GRID1: variants seen among roughly 807,000 people sequenced by gnomAD.
The protein encoded by GRID1 is glutamate receptor ionotropic, delta-1.
GRID1 carries 28 observed loss-of-function variants against 98.0 expected under a neutral mutation model. The observed-to-expected ratio is 0.29, with a 90% CI of 0.21 to 0.39. The LOEUF (loss-of-function observed/expected upper bound fraction) is 0.39, where lower values mean the gene tolerates loss of function less well. GRID1 is among the 10% of genes least tolerant of loss of function. The probability of loss-of-function intolerance (pLI) is 1.00; values close to 1 mark genes in which losing one functional copy is unlikely to be tolerated. For missense variants in GRID1, 1,111 were observed against 1,340.5 expected (o/e 0.83, Z 2.67); for synonymous variants, 553 against 538.5 (o/e 1.03, Z -0.37).
At chr10:85,662,727 T>C (rs1840979825) in intron 12 of GRID1, among the ~76,000 whole-genome samples, 1 of 152,166 alleles carries the variant, frequency 6.6e-6, no homozygotes, top group Admixed American at 6.5e-5. Flanking sequence ...GGCTGCACTG[T>C]GTCGTAGGAA....
chr10:85,714,287 A>G (rs1841614029), intron 12 of GRID1, among the ~76,000 whole-genome samples: 1 of 152,002 alleles, frequency 6.6e-6, no homozygotes, highest in African/African-American at 2.4e-5. Flanking sequence ...AGCGTATCAG[A>G]AAAAAATGGC....
chr10:85,810,489 T>C (rs1564597347), intron 8 of GRID1, among the ~76,000 whole-genome samples: 2 of 152,018 alleles, frequency 1.3e-5, no homozygotes. Flanking sequence ...GGAGAAACAG[T>C]CTAGCAGACC....
chr10:86,273,797 A>T (rs1185262551), intron 2 of GRID1, among the ~76,000 whole-genome samples: 222 of 140,460 alleles, frequency 1.6e-3, no homozygotes, highest in Middle Eastern at 3.5e-3. Flanking sequence ...AGTTCATTGT[A>T]GATTCTGGAT....
At chr10:86,177,739 C>T (rs940071654) in intron 3 of GRID1, among the ~76,000 whole-genome samples, 10 of 151,464 alleles carry the variant, frequency 6.6e-5, no homozygotes, top group Admixed American at 1.3e-4. Context: ...TGTGCATGAG[C>T]GAGACAGTGT....
At chr10:86,242,143 C>T (rs116803969) in intron 2 of GRID1, among the ~76,000 whole-genome samples, 77 of 152,328 alleles carry the variant, frequency 5.1e-4, no homozygotes, top group African/African-American at 1.8e-3. Flanking sequence ...AATGAGCCCA[C>T]CTGGCAGGGA....
chr10:86,181,021 C>T (rs574538494), intron 3 of GRID1, among the ~76,000 whole-genome samples: 4 of 152,288 alleles, frequency 2.6e-5, no homozygotes, highest in African/African-American at 9.6e-5. Context: ...CAAGCCCAGG[C>T]TGAACCTCCC....
intron 4 of GRID1, among the ~76,000 whole-genome samples, chr10:85,921,595 T>C (rs758463301): frequency 6.6e-5 from 10 of 152,336 alleles, no homozygotes; most frequent in Non-Finnish European, 1.3e-4. Flanking sequence ...AAACAGACTC[T>C]GCACAGAAAG....
chr10:86,070,351 C>T (rs1222212898), intron 4 of GRID1, among the ~76,000 whole-genome samples: 4 of 152,182 alleles, frequency 2.6e-5, no homozygotes, highest in African/African-American at 9.7e-5. Flanking sequence ...GTCCATACCC[C>T]TTGCCCAGCC....
rs779148576 is a variant in GRID1, at chr10:85,727,997, T to C, written c.1391A>G (p.Lys464Arg). Residue 464 changes from lysine to arginine, a missense_variant, in exon 10 of 16, where the codon AAA (lysine) becomes AGA (arginine). By Grantham distance (26) the Lys-to-Arg change is conservative. Coordinates refer to ENST00000327946, the MANE Select transcript of GRID1 (RefSeq NM_017551.3). ...ATCCAGGACATCTATGGAGAACCCT[T>C]TGTAGCGCTTGGGCTGTCCTAGGAT... The part of the protein sequence containing the change: ...ENILGQPKRY[K>R]GFSIDVLDAL... The C allele has an allele frequency of 1.4e-5, 23 of 1,613,718 alleles. No homozygotes were observed. Among genetic ancestry groups the C allele is most frequent in the African/African-American group, 5.3e-5 (4 of 74,900 alleles).
intron 2 of GRID1, among the ~76,000 whole-genome samples, chr10:86,347,704 C>A (rs541190928): frequency 1.3e-5 from 2 of 152,186 alleles, no homozygotes; most frequent in Non-Finnish European, 2.9e-5. Context: ...ATGCCTGAAG[C>A]GATGCAGCCT....
intron 4 of GRID1, among the ~76,000 whole-genome samples, chr10:85,975,430 G>C (rs1425497030): frequency 6.6e-6 from 1 of 152,124 alleles, no homozygotes; most frequent in East Asian, 1.9e-4. Context: ...GCTCCTCCAG[G>C]CCATCCACAT....
intron 4 of GRID1, among the ~76,000 whole-genome samples, chr10:85,920,955 C>A (rs909696952): frequency 1.3e-5 from 2 of 152,180 alleles, no homozygotes; most frequent in African/African-American, 2.4e-5. Context: ...TGCCTGCACC[C>A]CTCTAAATTG....
chr10:85,825,479 T>C (rs929120860), intron 8 of GRID1, among the ~76,000 whole-genome samples: 4 of 152,202 alleles, frequency 2.6e-5, no homozygotes, highest in African/African-American at 7.2e-5. Flanking sequence ...TCTCCCATTC[T>C]GTGGTTTGTG....
intron 8 of GRID1, among the ~76,000 whole-genome samples, chr10:85,790,521 T>C (rs1419460800): frequency 6.6e-6 from 1 of 152,092 alleles, no homozygotes; most frequent in Non-Finnish European, 1.5e-5. Context: ...CAAAGGAAGG[T>C]CCTGTCTGGG....
chr10:85,923,232 T>C (rs567709519), intron 4 of GRID1, among the ~76,000 whole-genome samples: 54 of 152,128 alleles, frequency 3.5e-4, no homozygotes, highest in Non-Finnish European at 6.6e-4. Context: ...AAACACCCCA[T>C]CTGGGCAGAG....
intron 5 of GRID1, among the ~76,000 whole-genome samples, chr10:85,901,227 T>TTTTATTTTATTTTATTTTA (rs1554838758): frequency 2.9e-4 from 43 of 146,338 alleles, no homozygotes; most frequent in African/African-American, 9.6e-4. Context: ...TTTTATTTTA[T>TTTTATTTTATTTTATTTTA]TTTATTTATT....
chr10:86,219,673 C>T (rs1203534416), intron 2 of GRID1, among the ~76,000 whole-genome samples: 3 of 152,190 alleles, frequency 2.0e-5, no homozygotes, highest in South Asian at 2.1e-4. Flanking sequence ...GTAAATGGAG[C>T]GGGTTCCCCC....
At position 86,363,790 on chromosome 10, in the gene GRID1, G is replaced by C. The variant is rs1387404776; in HGVS notation, c.235+151C>G. 1.2e-5 allele frequency: 8 copies of C among 646,040 alleles called. No homozygotes were observed. In the East Asian group the frequency reaches 2.5e-4, roughly 20 times the overall value. 40.0% of individuals were successfully genotyped at this position (646,040 alleles called of 1,614,324 possible). On this transcript the variant is annotated intron_variant, in intron 2 of 15. Coordinates refer to ENST00000327946, the MANE Select transcript of GRID1 (RefSeq NM_017551.3). ...CCCGGCGCCGCTGCCTAGGTGGGCCGGGGAAGGCGCGCCACCGCGCATGGC... is the reference window on the plus strand; with the variant it reads ...CCCGGCGCCGCTGCCTAGGTGGGCCCGGGAAGGCGCGCCACCGCGCATGGC...
intron 14 of GRID1, among the ~76,000 whole-genome samples, chr10:85,619,153 G>A (rs1445666553): frequency 6.6e-6 from 1 of 152,168 alleles, no homozygotes; most frequent in Admixed American, 6.5e-5. Context: ...CCAAGGCTTA[G>A]ACACCTTGGC....
Sources: allele counts gnomAD v4.1 joint callset (sites outside exome capture counted in the v4.1 genomes callset), GRCh38; gene constraint gnomAD v4.1.1; transcripts MANE v1.5; gene names NCBI Gene and HGNC (gene_info 2026-07-23, HGNC 2026-07-21).